The following CCDC93 variants were observed in gnomAD, a reference collection of about 807,000 sequenced individuals.
The protein encoded by CCDC93 is coiled-coil domain-containing protein 93.
CCDC93 carries 61 observed loss-of-function variants against 108.2 expected under a neutral mutation model. The ratio of observed to expected loss-of-function variants is 0.56; its 90% CI spans 0.46 to 0.70. CCDC93 has a LOEUF of 0.70. CCDC93 is among the 30% of genes least tolerant of loss of function. The probability of loss-of-function intolerance (pLI) is 0.00; values close to 1 mark genes in which losing one functional copy is unlikely to be tolerated. For synonymous variants in CCDC93, 276 were observed against 260.4 expected (o/e 1.06, Z -0.58); for missense variants, 685 against 764.2 (o/e 0.90, Z 1.22).
At chr2:117,946,461 A>G (rs368316090) in intron 16 of CCDC93, among the ~76,000 whole-genome samples, 1 of 152,184 alleles carries the variant, frequency 6.6e-6, no homozygotes, top group South Asian at 2.1e-4. Flanking sequence ...TGAGCAGGAA[A>G]GGAGAAAGGT....
chr2:117,937,888 G>C (rs567779292), intron 20 of CCDC93, among the ~76,000 whole-genome samples: 11 of 152,170 alleles, frequency 7.2e-5, no homozygotes, highest in African/African-American at 2.6e-4. Flanking sequence ...GCTTCCCAAG[G>C]AGCACCCTCT....
At chr2:117,994,870 G>T (rs1333689652) in intron 6 of CCDC93, among the ~76,000 whole-genome samples, 2 of 152,230 alleles carry the variant, frequency 1.3e-5, no homozygotes, top group Non-Finnish European at 2.9e-5. Context: ...AGCTCAGGTA[G>T]GAAGGCTGGG....
At chr2:117,974,138 T>C (rs1253499367) in intron 10 of CCDC93, 144 bp from the exon 11 acceptor site, 3 of 668,852 alleles carry the variant, frequency 4.5e-6, no homozygotes, top group East Asian at 2.8e-5. Flanking sequence ...TTGCCACATA[T>C]TACCAACAGA....
At chr2:117,982,222 G>A (rs911911732) in intron 7 of CCDC93, among the ~76,000 whole-genome samples, 1 of 152,038 alleles carries the variant, frequency 6.6e-6, no homozygotes, top group African/African-American at 2.4e-5. Context: ...TCTGGTGGCT[G>A]TGCTCCAAAC....
intron 7 of CCDC93, 56 bp downstream of exon 7, chr2:117,985,913 A>G: frequency 9.5e-7 from 1 of 1,047,624 alleles, no homozygotes; most frequent in Non-Finnish European, 1.5e-6. Context: ...CAAATGAAGC[A>G]ACTTAAATTA....
At chr2:117,935,267 G>T (rs1260160567) in intron 22 of CCDC93, among the ~76,000 whole-genome samples, 1 of 152,032 alleles carries the variant, frequency 6.6e-6, no homozygotes, top group Non-Finnish European at 1.5e-5. Context: ...TTCAATACCT[G>T]GGAGCTACTG....
rs774815772 is a variant in CCDC93, at chr2:117,920,215, A to G, written c.*128T>C. 22 of 585,590 alleles carry G rather than the reference A, an allele frequency of 3.8e-5. No homozygotes were observed. The highest frequency in any genetic ancestry group is 6.1e-5 in the Non-Finnish European group (20 of 329,280). The allele number at this position is 585,590 out of a possible 1,614,324, so 36.3% of individuals were successfully genotyped here. On this transcript the variant is annotated 3_prime_UTR_variant, in exon 24 of 24. Coordinates refer to ENST00000376300, the MANE Select transcript of CCDC93 (RefSeq NM_019044.5). ...TGGAAGCAAAGAGGAGAAAGAAAAC[A>G]TCCAGGTTGTTGAAATCATCACAAC...
intron 13 of CCDC93, chr2:117,949,829 A>C (rs1678996781): frequency 1.0e-6 from 1 of 985,430 alleles, no homozygotes; most frequent in Non-Finnish European, 1.2e-6. Flanking sequence ...ATTAGAACAC[A>C]AGAGTTTAAC....
At chr2:117,974,999 T>C in intron 9 of CCDC93, 99 bp from the exon 10 acceptor site, 1 of 1,129,052 alleles carries the variant, frequency 8.9e-7, no homozygotes, top group Non-Finnish European at 1.3e-6. Flanking sequence ...TCCAAGGGTG[T>C]CTTCCTTGAT....
chr2:117,968,014 A>T (rs1012605282), intron 11 of CCDC93, among the ~76,000 whole-genome samples: 4 of 152,250 alleles, frequency 2.6e-5, no homozygotes, highest in African/African-American at 9.6e-5. Context: ...ATTCAGATTC[A>T]CCAAGACAAA....
At chr2:117,939,144 G>T (rs779116434) in intron 19 of CCDC93, 33 bp from the exon 20 acceptor site, 5 of 1,387,568 alleles carry the variant, frequency 3.6e-6, no homozygotes, top group Non-Finnish European at 5.1e-6. Context: ...ACACGAATAA[G>T]AACAGGTATC....
At chr2:117,947,693 C>CT (rs763811529) in intron 15 of CCDC93, among the ~76,000 whole-genome samples, 60,794 of 121,922 alleles carry the variant, frequency 0.5, 16,922 homozygotes, top group East Asian at 0.81. Flanking sequence ...GATGAATCTG[C>CT]TTTTTTTTTT....
Position 117,958,347 on chromosome 2 carries a change from C to T in CCDC93, c.1005+18G>A, listed in dbSNP as rs371301690. ...ACCATGAAGATCTTGAATAAACTTA[C>T]GAAAAGAAAACACTGACCTCTTCAA... On this transcript the variant is annotated intron_variant, in intron 12 of 23. Transcript: ENST00000376300. The T allele has an allele frequency of 2.3e-5, 34 of 1,475,832 alleles. No homozygotes were observed. The African/African-American group carries it at 3.1e-4, about 13-fold the overall frequency. 91.4% of individuals were successfully genotyped at this position (1,475,832 alleles called of 1,614,324 possible).
At chr2:117,987,819 ATAGTGG>A (rs1332710544) in intron 6 of CCDC93, among the ~76,000 whole-genome samples, 1 of 152,226 alleles carries the variant, frequency 6.6e-6, no homozygotes, top group African/African-American at 2.4e-5. Context: ...TCTGTCATTA[ATAGTGG>A]TAGCAATTGT....
At chr2:118,010,066 C>T (rs1262078789) in intron 1 of CCDC93, among the ~76,000 whole-genome samples, 4 of 151,958 alleles carry the variant, frequency 2.6e-5, no homozygotes, top group Non-Finnish European at 5.9e-5. Flanking sequence ...CTCAGCTTCC[C>T]GAGTTGCTGG....
In CCDC93 at chr2:117,935,692, T is replaced by G. The variant is rs572112443; in HGVS notation, c.1644-113A>C. ...ATGACTCTTAGGAGAGGCAATCAGG[T>G]CTTTGTAACGCACAGTGGAGCCACG... On this transcript the variant is annotated intron_variant, in intron 21 of 23. Transcript: ENST00000376300. 343 of 745,392 alleles carry G rather than the reference T, an allele frequency of 4.6e-4. 2 individuals are homozygous for G. The highest frequency in any genetic ancestry group is 6.5e-4 in the Non-Finnish European group (296 of 456,610). 46.2% of individuals were successfully genotyped at this position (745,392 alleles called of 1,614,324 possible).
intron 13 of CCDC93, chr2:117,950,064 G>C (rs1679005103): frequency 1.0e-6 from 1 of 985,264 alleles, no homozygotes; most frequent in Non-Finnish European, 1.2e-6. Flanking sequence ...AGCAGAAATG[G>C]GGAGTTCCCC....
chr2:117,984,571 T>C (rs1386211459), intron 7 of CCDC93, among the ~76,000 whole-genome samples: 2 of 152,192 alleles, frequency 1.3e-5, no homozygotes, highest in East Asian at 1.9e-4. Flanking sequence ...TCTGTCAACA[T>C]GGTCTCAGCG....
At chr2:117,950,385 C>T (rs1036374608) in intron 13 of CCDC93, 17 of 985,246 alleles carry the variant, frequency 1.7e-5, no homozygotes, top group South Asian at 1.4e-4. Context: ...CTCACACACA[C>T]GAAATTAGAG....
Sources: gnomAD v4.1 joint callset for allele counts (sites outside exome capture counted in the v4.1 genomes callset) on GRCh38, gnomAD v4.1.1 for gene constraint, MANE v1.5 for transcripts, NCBI Gene and HGNC (gene_info 2026-07-23, HGNC 2026-07-21) for gene names.